PIEZO2: variants seen among roughly 807,000 people sequenced by gnomAD.
PIEZO2 encodes piezo type mechanosensitive ion channel component 2, also known as piezo-type mechanosensitive ion channel component 2.
A neutral mutation model predicts 337.3 loss-of-function variants in PIEZO2; 172 were observed. The observed-to-expected ratio is 0.51, with a 90% confidence interval of 0.45 to 0.58. The LOEUF (loss-of-function observed/expected upper bound fraction) is 0.58. Ranked by LOEUF, PIEZO2 falls within the 20% of genes least tolerant of loss-of-function variation. PIEZO2 has a pLI of 0.00. For synonymous variants in PIEZO2, 1,251 were observed against 1,228.5 expected (o/e 1.02, Z -0.38); for missense variants, 3,028 against 3,391.3 (o/e 0.89, Z 2.66).
At chr18:11,145,328 ACTTCT>A (rs376370442) in intron 1 of PIEZO2, among the ~76,000 whole-genome samples, 216 of 150,776 alleles carry the variant, frequency 1.4e-3, no homozygotes, top group African/African-American at 5.2e-3. Flanking sequence ...TTCACTTATC[ACTTCT>A]CTTAAAATTT....
chr18:10,680,555 G>T (rs1347657284), intron 51 of PIEZO2, among the ~76,000 whole-genome samples, 184 bp from the exon 52 acceptor site: 1 of 152,128 alleles, frequency 6.6e-6, no homozygotes, highest in African/African-American at 2.4e-5. Flanking sequence ...CACAGGTATG[G>T]GCAGTTTCCA....
intron 1 of PIEZO2, among the ~76,000 whole-genome samples, chr18:11,118,835 A>G (rs2039957932): frequency 6.6e-6 from 1 of 152,198 alleles, no homozygotes; most frequent in Non-Finnish European, 1.5e-5. Context: ...TAAATATCTT[A>G]GATAACGGTT....
intron 3 of PIEZO2, among the ~76,000 whole-genome samples, chr18:10,948,709 T>G (rs1598735207): frequency 6.6e-6 from 1 of 152,182 alleles, no homozygotes; most frequent in East Asian, 1.9e-4. Context: ...TTGATTCTTT[T>G]TCCAAACTGC....
intron 7 of PIEZO2, among the ~76,000 whole-genome samples, chr18:10,809,558 G>A (rs565772410): frequency 5.4e-4 from 78 of 144,466 alleles, no homozygotes; most frequent in Non-Finnish European, 6.6e-4. Context: ...GTGAGCCACC[G>A]CACCTGGCAT....
chr18:11,116,588 G>T lies in PIEZO2; in HGVS notation c.64+31937C>A, dbSNP rs960936991. Among the ~76,000 whole-genome samples the T allele has an allele frequency of 6.6e-6, 1 of 151,896 alleles. No individual in the cohort carries two copies. The highest frequency in any genetic ancestry group is 1.5e-5 in the Non-Finnish European group (1 of 67,974). On this transcript the variant is annotated intron_variant, in intron 1 of 55. Coordinates refer to ENST00000674853, the MANE Select transcript of PIEZO2 (RefSeq NM_001378183.1). The surrounding 1 kb of genome is among the most constrained non-coding windows in gnomAD (Gnocchi z 5.0). ...AAATTAGCCGGGCGTGGTGGCGGGG[G>T]GCCTGTAGTCCCAGCTACTCGGGAG... is the stretch of plus-strand genomic sequence containing the variant.
At position 10,847,384 on chromosome 18, in the gene PIEZO2, G is replaced by C. The variant is rs983229707; in HGVS notation, c.917+7969C>G. Among the ~76,000 whole-genome samples the C allele has an allele frequency of 1.3e-5, 2 of 152,216 alleles. No homozygotes were observed. The highest frequency in any genetic ancestry group is 4.8e-5 in the African/African-American group (2 of 41,450). The stretch of plus-strand genomic sequence containing the variant: ...AAGACCGTGGAGATGCCCTTGGTGG[G>C]CAAAAGGAGAGAAATCTGGCCCAGA... On this transcript the variant is annotated intron_variant, in intron 7 of 55. Transcript: ENST00000674853. The surrounding 1 kb of genome is among the most constrained non-coding windows in gnomAD (Gnocchi z 5.7).
chr18:10,886,486 C>CTATATATATATATGTATATATATATATA (rs1329455091), intron 4 of PIEZO2, among the ~76,000 whole-genome samples: 2 of 3,138 alleles, frequency 6.4e-4, no homozygotes, highest in Non-Finnish European at 9.4e-4. Flanking sequence ...AATATCCAAA[C>CTATATATATATATGTATATATATATATA]CATATATATA....
rs529397445 is a variant in PIEZO2 at position 10,914,656 on chromosome 18, C to T, written c.287-3428G>A. ...TTTGTTGGTGCAGAACCCATGGATA[C>T]GGAGGGCCAACTGTAATTCATAGAA... On this transcript the variant is annotated intron_variant, in intron 3 of 55. Coordinates refer to ENST00000674853, the MANE Select transcript of PIEZO2 (RefSeq NM_001378183.1). Among the ~76,000 whole-genome samples the T allele has an allele frequency of 5.7e-4, 86 of 152,030 alleles. 1 individual carries two copies. The highest frequency in any genetic ancestry group is 1.6e-3 in the African/African-American group (67 of 41,468).
chr18:10,919,868 C>A (rs1370288316), intron 3 of PIEZO2, among the ~76,000 whole-genome samples: 2 of 151,974 alleles, frequency 1.3e-5, no homozygotes, highest in East Asian at 3.9e-4. Flanking sequence ...CACACACACA[C>A]ACAGAGTAAG....
chr18:10,921,351 A>T (rs536224807), intron 3 of PIEZO2, among the ~76,000 whole-genome samples: 1 of 152,280 alleles, frequency 6.6e-6, no homozygotes, highest in South Asian at 2.1e-4. Flanking sequence ...GAAGAACATG[A>T]ATTGTAAAGA....
chr18:10,725,358 T>A, intron 36 of PIEZO2: 1 of 1,605,736 alleles, frequency 6.2e-7, no homozygotes, highest in Non-Finnish European at 8.5e-7. Context: ...AGACCTGCTG[T>A]CCCAGGCGGT....
chr18:11,030,612 G>C (rs1390595350), intron 2 of PIEZO2, among the ~76,000 whole-genome samples: 1 of 152,110 alleles, frequency 6.6e-6, no homozygotes, highest in African/African-American at 2.4e-5. Flanking sequence ...AACAATGTCA[G>C]CTTGGCTCGT....
In PIEZO2 at chr18:10,770,133, C is replaced by T. The variant is rs775162816; in HGVS notation, c.2946+15G>A. 1 of 1,536,682 alleles carries T rather than the reference C, an allele frequency of 6.5e-7. No individual in the cohort carries two copies. Among genetic ancestry groups the T allele is most frequent in the Non-Finnish European group, 8.7e-7 (1 of 1,146,680 alleles). On this transcript the variant is annotated intron_variant, in intron 21 of 55. Transcript: ENST00000674853. ...GGTTCTGTTCAGCCTGATGATAGGA[C>T]AAATGTTCACTTGCCTCTTTCACAG...
chr18:11,093,617 C>T lies in PIEZO2; in HGVS notation c.65-27395G>A, dbSNP rs555080212. 1.9e-3 allele frequency among the ~76,000 whole-genome samples: 247 copies of T among 132,822 alleles called. 1 individual carries two copies. The highest frequency in any genetic ancestry group is 6.5e-3 in the African/African-American group (233 of 35,946). 87.1% of individuals were successfully genotyped at this position (132,822 alleles called of 152,430 possible). A position where few individuals can be genotyped will look rare whatever the true frequency, so the allele number is the denominator to read the frequency against. On this transcript the variant is annotated intron_variant, in intron 1 of 55. Coordinates refer to ENST00000674853, the MANE Select transcript of PIEZO2 (RefSeq NM_001378183.1). ...TTTTTTTTTTTCTGAGACGGAGTCT[C>T]GCTCTGTCGCCCAGGCTGGAGTGCA... is the stretch of plus-strand genomic sequence containing the variant.
intron 37 of PIEZO2, among the ~76,000 whole-genome samples, chr18:10,717,164 T>A (rs34598731): frequency 6.6e-6 from 1 of 152,128 alleles, no homozygotes; most frequent in Admixed American, 6.5e-5. Context: ...CTCAGTTCCC[T>A]GTTTTGAGAG....
intron 11 of PIEZO2, among the ~76,000 whole-genome samples, chr18:10,797,785 T>C (rs962335624): frequency 1.6e-4 from 25 of 152,220 alleles, no homozygotes; most frequent in African/African-American, 5.8e-4. Context: ...AAACCTGTCA[T>C]CAGAGCCCCC....
At chr18:10,688,434 AGCAACAGAC>A (rs1463582568) in intron 49 of PIEZO2, among the ~76,000 whole-genome samples, 1 of 152,228 alleles carries the variant, frequency 6.6e-6, no homozygotes, top group Non-Finnish European at 1.5e-5. Flanking sequence ...GTTTGTTAGC[AGCAACAGAC>A]AACTGATATA....
rs990829669 is a variant in PIEZO2 at position 10,969,875 on chromosome 18, C to T, written c.286+9660G>A. Among the ~76,000 whole-genome samples, 1 of 151,954 alleles carries T rather than the reference C, an allele frequency of 6.6e-6. No homozygotes were observed. Among genetic ancestry groups the T allele is most frequent in the African/African-American group, 2.4e-5 (1 of 41,364 alleles). On this transcript the variant is annotated intron_variant, in intron 3 of 55. Transcript: ENST00000674853. The surrounding 1 kb of genome is among the most constrained non-coding windows in gnomAD (Gnocchi z 4.5). ...CGGTCACAAAACAAAGCAAGAGAGT[C>T]ATCAAATTTTGTCTTTGCCATACCT... is the stretch of plus-strand genomic sequence containing the variant.
At chr18:10,723,636 T>G (rs2036411614) in intron 36 of PIEZO2, among the ~76,000 whole-genome samples, 1 of 151,988 alleles carries the variant, frequency 6.6e-6, no homozygotes. Context: ...GGAAGGGAGT[T>G]GCTGACCAGA....
Sources: allele counts gnomAD v4.1 joint callset (sites outside exome capture counted in the v4.1 genomes callset), GRCh38; gene constraint gnomAD v4.1.1; non-coding constraint Gnocchi (gnomAD v3.1); transcripts MANE v1.5; gene names NCBI Gene and HGNC (gene_info 2026-07-23, HGNC 2026-07-21).